The following ADAMTSL1 variants were observed in gnomAD, a reference collection of about 807,000 sequenced individuals.
ADAMTSL1 encodes ADAMTS-like protein 1.
In ADAMTSL1, 126 loss-of-function variants were observed where a neutral mutation model predicts 201.8. The ratio of observed to expected loss-of-function variants is 0.62; its 90% CI spans 0.54 to 0.72. ADAMTSL1 has a LOEUF of 0.72. Among genes scored for constraint, ADAMTSL1 ranks in the 30% least tolerant of loss-of-function variants. ADAMTSL1 has a pLI of 0.00. For synonymous variants in ADAMTSL1, 1,121 were observed against 903.4 expected, an observed-to-expected ratio of 1.24 and a Z score of -4.32; for missense variants, 2,679 against 2,277.8, an observed-to-expected ratio of 1.18 and a Z score of -3.59.
chr9:17,973,500 C>G (rs931312869), intron 1 of ADAMTSL1, among the ~76,000 whole-genome samples: 1 of 120,790 alleles, frequency 8.3e-6, no homozygotes, highest in African/African-American at 2.7e-5. Context: ...TTTCTGAGGG[C>G]TCTGTTCTGT....
intron 2 of ADAMTSL1, among the ~76,000 whole-genome samples, chr9:18,336,309 ATTT>A (rs763640009): frequency 3.6e-5 from 5 of 139,862 alleles, no homozygotes; most frequent in Non-Finnish European, 3.1e-5. Context: ...ATGTAATTTC[ATTT>A]TTTTTTTTTT....
chr9:18,818,481 T>C (rs1202357823), intron 21 of ADAMTSL1, among the ~76,000 whole-genome samples: 1 of 152,220 alleles, frequency 6.6e-6, no homozygotes, highest in Non-Finnish European at 1.5e-5. Flanking sequence ...CTCTGAAATA[T>C]TCTGATAGCT....
At chr9:18,853,916 T>TGTGTGTGC (rs1554648765) in intron 23 of ADAMTSL1, among the ~76,000 whole-genome samples, 1 of 122,748 alleles carries the variant, frequency 8.1e-6, no homozygotes, top group South Asian at 3.3e-4. Flanking sequence ...TGTGTGTGTG[T>TGTGTGTGC]GTGCGCGTGC....
chr9:18,344,412 G>A (rs369255495), intron 2 of ADAMTSL1, among the ~76,000 whole-genome samples: 74 of 151,974 alleles, frequency 4.9e-4, no homozygotes, highest in Middle Eastern at 6.8e-3. Context: ...CTGCCTCTGC[G>A]TTCCAAAGCA....
chr9:18,672,183 C>CT (rs1829860283), intron 9 of ADAMTSL1, among the ~76,000 whole-genome samples: 4 of 148,770 alleles, frequency 2.7e-5, no homozygotes. Flanking sequence ...CCAATTTTGG[C>CT]TTGTTTTTTT....
intron 1 of ADAMTSL1, among the ~76,000 whole-genome samples, chr9:17,979,524 G>T (rs910466916): frequency 1.7e-5 from 1 of 60,128 alleles, no homozygotes; most frequent in East Asian, 1.2e-3. Flanking sequence ...CCTCAGCCAT[G>T]GATTTTTTTT....
At chr9:18,246,081 ACAGATTC>A (rs1425524943) in intron 2 of ADAMTSL1, among the ~76,000 whole-genome samples, 1 of 152,132 alleles carries the variant, frequency 6.6e-6, no homozygotes, top group East Asian at 1.9e-4. Context: ...CAGATTAGAC[ACAGATTC>A]TGCCCTTGGG....
intron 3 of ADAMTSL1, among the ~76,000 whole-genome samples, chr9:18,536,171 A>G (rs565753379): frequency 2.0e-5 from 3 of 152,290 alleles, no homozygotes; most frequent in African/African-American, 7.2e-5. Context: ...TTTCATGATC[A>G]CATCCCAGTT....
chr9:18,568,564 TC>T (rs1184398946), intron 3 of ADAMTSL1, among the ~76,000 whole-genome samples: 2 of 152,322 alleles, frequency 1.3e-5, no homozygotes, highest in East Asian at 3.9e-4. Flanking sequence ...AACGTGGTTA[TC>T]CGCAGTTGTT....
At position 18,777,122 on chromosome 9, in the gene ADAMTSL1, C is replaced by A. The variant is rs780897867; in HGVS notation, c.2893C>A (p.Arg965Ser). The A allele has an allele frequency of 4.3e-6, 7 of 1,612,958 alleles. No homozygotes were observed. In the South Asian group the frequency reaches 7.7e-5, roughly 18 times the overall value. Residue 965 changes from arginine to serine, a missense_variant, in exon 19 of 29, where the codon CGC becomes AGC. Coordinates refer to ENST00000380548, the MANE Select transcript of ADAMTSL1 (RefSeq NM_001040272.6). Reference protein sequence around the residue: ...HFVIKLIGGNRKLVARPLSPR... With the variant: ...HFVIKLIGGNSKLVARPLSPR... ...TGTGATTAAGCTCATCGGAGGCAACCGCAAGCTCGTGGCCCGGCCCTTGAG... is the reference window on the plus strand; with the variant it reads ...TGTGATTAAGCTCATCGGAGGCAACAGCAAGCTCGTGGCCCGGCCCTTGAG...
chr9:18,782,484 G>A (rs904704340), intron 19 of ADAMTSL1, among the ~76,000 whole-genome samples: 1 of 152,140 alleles, frequency 6.6e-6, no homozygotes, highest in Non-Finnish European at 1.5e-5. Context: ...TCTCTGATAT[G>A]TTACATAAAT....
chr9:18,885,751 G>T (rs1828809150), intron 23 of ADAMTSL1, among the ~76,000 whole-genome samples: 1 of 152,108 alleles, frequency 6.6e-6, no homozygotes, highest in African/African-American at 2.4e-5. Context: ...AAACAAAAAT[G>T]AAGGGGAAAA....
intron 23 of ADAMTSL1, among the ~76,000 whole-genome samples, chr9:18,845,250 A>G (rs1189371072): frequency 6.6e-6 from 1 of 151,966 alleles, no homozygotes; most frequent in African/African-American, 2.4e-5. Flanking sequence ...AACTCCTCAC[A>G]AATCTCCATT....
intron 2 of ADAMTSL1, among the ~76,000 whole-genome samples, chr9:18,456,161 A>G (rs1422924264): frequency 6.6e-6 from 1 of 152,126 alleles, no homozygotes; most frequent in Non-Finnish European, 1.5e-5. Context: ...TCAATTATTA[A>G]TCATCTTCAT....
At chr9:18,354,131 T>C (rs1225184307) in intron 2 of ADAMTSL1, among the ~76,000 whole-genome samples, 7 of 150,714 alleles carry the variant, frequency 4.6e-5, no homozygotes, top group Non-Finnish European at 1.0e-4. Context: ...ACTTTCCTTA[T>C]ATAATGTGAT....
intron 2 of ADAMTSL1, among the ~76,000 whole-genome samples, chr9:18,204,207 C>G (rs1829557582): frequency 6.6e-6 from 1 of 151,922 alleles, no homozygotes; most frequent in Non-Finnish European, 1.5e-5. Context: ...AATTATAATC[C>G]CCATGTGTTA....
chr9:18,587,849 T>A (rs974050883), intron 4 of ADAMTSL1, among the ~76,000 whole-genome samples: 1 of 152,218 alleles, frequency 6.6e-6, no homozygotes, highest in Non-Finnish European at 1.5e-5. Flanking sequence ...TGTGTATATA[T>A]ACCATGTGTC....
chr9:18,439,913 G>A (rs1036677130), intron 2 of ADAMTSL1, among the ~76,000 whole-genome samples: 5 of 152,046 alleles, frequency 3.3e-5, no homozygotes, highest in Admixed American at 2.0e-4. Context: ...CTGATTCCTC[G>A]TGTGGTCTGA....
At chr9:18,538,053 G>A (rs1315146806) in intron 3 of ADAMTSL1, among the ~76,000 whole-genome samples, 1 of 152,068 alleles carries the variant, frequency 6.6e-6, no homozygotes, top group Non-Finnish European at 1.5e-5. Flanking sequence ...TTAAGCAGGG[G>A]AGAGTAGAAT....
Sources: allele counts gnomAD v4.1 joint callset (sites outside exome capture counted in the v4.1 genomes callset), GRCh38; gene constraint gnomAD v4.1.1; transcripts MANE v1.5; gene names NCBI Gene and HGNC (gene_info 2026-07-23, HGNC 2026-07-21).